Variants in CCSER1 observed in about 807,000 individuals in gnomAD.
CCSER1 encodes coiled-coil serine rich protein 1.
A neutral mutation model predicts 82.0 loss-of-function variants in CCSER1; 41 were observed. The ratio of observed to expected loss-of-function variants is 0.50; its 90% CI spans 0.39 to 0.65. The LOEUF is 0.65. Ranked by LOEUF, CCSER1 falls within the 30% of genes least tolerant of loss-of-function variation. The pLI is 0.00. For synonymous variants in CCSER1, 414 were observed against 383.9 expected, an observed-to-expected ratio of 1.08 and a Z score of -0.92; for missense variants, 1,119 against 1,064.2, an observed-to-expected ratio of 1.05 and a Z score of -0.72.
intron 5 of CCSER1, among the ~76,000 whole-genome samples, chr4:90,494,728 G>A (rs1415785768): frequency 6.6e-6 from 1 of 151,896 alleles, no homozygotes; most frequent in Admixed American, 6.6e-5. Context: ...CCTATTTTTT[G>A]CAAATAAAAG....
intron 10 of CCSER1, among the ~76,000 whole-genome samples, chr4:91,188,574 A>G (rs1734756957): frequency 1.3e-5 from 2 of 152,178 alleles, no homozygotes; most frequent in African/African-American, 2.4e-5. Context: ...ATAATTAGTG[A>G]TAAATATTTT....
chr4:91,271,115 G>T (rs1470147949), intron 10 of CCSER1, among the ~76,000 whole-genome samples: 10 of 151,606 alleles, frequency 6.6e-5, no homozygotes, highest in Admixed American at 4.6e-4. Flanking sequence ...GTAATAGATA[G>T]ATTTTTTAAA....
intron 10 of CCSER1, among the ~76,000 whole-genome samples, chr4:91,393,199 T>G (rs1204473757): frequency 1.3e-5 from 2 of 152,078 alleles, no homozygotes; most frequent in South Asian, 4.1e-4. Context: ...ATTATAAATA[T>G]GCAGTAAATA....
At position 91,065,873 on chromosome 4, in the gene CCSER1, CAATT is replaced by C. The variant is rs543937545; in HGVS notation, c.2173-20074_2173-20071del. On this transcript the variant is annotated intron_variant, in intron 9 of 10. Transcript: ENST00000509176. ...AATATGACTTCTTTCAATAATATGA[CAATT>C]AAAATGTTAGGAAAACACTGATTCA... is the stretch of plus-strand genomic sequence containing the variant. 1.3e-4 allele frequency among the ~76,000 whole-genome samples: 19 copies of C among 151,952 alleles called. 1 individual carries two copies. In the South Asian group the frequency reaches 3.5e-3, roughly 28 times the overall value.
intron 7 of CCSER1, among the ~76,000 whole-genome samples, chr4:90,793,355 C>T (rs1436188163): frequency 6.6e-6 from 1 of 152,130 alleles, no homozygotes; most frequent in Non-Finnish European, 1.5e-5. Context: ...CTCCAATAGG[C>T]CCCAGTGTGT....
At chr4:91,046,168 C>T (rs181905254) in intron 9 of CCSER1, among the ~76,000 whole-genome samples, 8 of 113,346 alleles carry the variant, frequency 7.1e-5, no homozygotes, top group African/African-American at 2.9e-4. Flanking sequence ...AAAACTGACA[C>T]TTGCAAATGG....
At chr4:90,584,237 G>A (rs1246142316) in intron 5 of CCSER1, among the ~76,000 whole-genome samples, 1 of 152,100 alleles carries the variant, frequency 6.6e-6, no homozygotes, top group Admixed American at 6.6e-5. Context: ...ACTCATAAAA[G>A]CCTGTAAGTC....
At chr4:91,083,332 G>A (rs944398828) in intron 9 of CCSER1, among the ~76,000 whole-genome samples, 1 of 152,138 alleles carries the variant, frequency 6.6e-6, no homozygotes, top group African/African-American at 2.4e-5. Flanking sequence ...AACACCTCAT[G>A]TTCTCACTCA....
chr4:90,704,433 A>T (rs1404232962), intron 6 of CCSER1, among the ~76,000 whole-genome samples: 1 of 152,068 alleles, frequency 6.6e-6, no homozygotes, highest in African/African-American at 2.4e-5. Context: ...AACTTTGGTG[A>T]ATCTGACAAT....
chr4:90,311,838 A>G (rs1332026681), intron 2 of CCSER1, among the ~76,000 whole-genome samples: 1 of 152,126 alleles, frequency 6.6e-6, no homozygotes, highest in East Asian at 1.9e-4. Flanking sequence ...TTTTTCATTT[A>G]CTCATTCATT....
chr4:91,591,338 T>TA (rs1764261008), intron 10 of CCSER1, among the ~76,000 whole-genome samples: 1 of 152,152 alleles, frequency 6.6e-6, no homozygotes, highest in African/African-American at 2.4e-5. Context: ...TATTTACCAG[T>TA]ATAGGGACAA....
In CCSER1 at chr4:90,568,305, T is replaced by A. The variant is rs536298151; in HGVS notation, c.1725-59720T>A. On this transcript the variant is annotated intron_variant, in intron 5 of 10. Coordinates refer to ENST00000509176, the MANE Select transcript of CCSER1 (RefSeq NM_001145065.2). ...TTCTGTATTGTAGTCCATCTCTCCCTTCAAATCTGTTAACATTCGCTTTAT... is the reference window on the plus strand; with the variant it reads ...TTCTGTATTGTAGTCCATCTCTCCCATCAAATCTGTTAACATTCGCTTTAT... 3.9e-5 allele frequency among the ~76,000 whole-genome samples: 6 copies of A among 152,342 alleles called. No individual in the cohort carries two copies. In the East Asian group the frequency reaches 1.2e-3, roughly 29 times the overall value.
chr4:91,578,211 A>G (rs1053840016), intron 10 of CCSER1, among the ~76,000 whole-genome samples: 2 of 152,034 alleles, frequency 1.3e-5, no homozygotes, highest in Non-Finnish European at 2.9e-5. Flanking sequence ...CAATATCCAT[A>G]AAACTATGGT....
chr4:91,152,572 T>G (rs545738368), intron 10 of CCSER1, among the ~76,000 whole-genome samples: 1 of 152,358 alleles, frequency 6.6e-6, no homozygotes, highest in African/African-American at 2.4e-5. Flanking sequence ...CAATGTCAGC[T>G]GGTCATTTTG....
chr4:91,381,522 C>T (rs1266102660), intron 10 of CCSER1, among the ~76,000 whole-genome samples: 1 of 152,214 alleles, frequency 6.6e-6, no homozygotes. Flanking sequence ...ACCCTTTCTT[C>T]CCATTGATCA....
chr4:90,642,066 C>A, intron 6 of CCSER1: 1 of 192,790 alleles, frequency 5.2e-6, no homozygotes, highest in Non-Finnish European at 1.1e-5. Context: ...CAGCAGACGG[C>A]ACCCTGCAGA....
chr4:90,483,221 C>G (rs548856046), intron 5 of CCSER1, among the ~76,000 whole-genome samples: 50 of 152,218 alleles, frequency 3.3e-4, no homozygotes, highest in Non-Finnish European at 5.9e-4. Context: ...TTTCCGTTTG[C>G]TTGGCAGATC....
At chr4:90,243,050 T>TTC (rs763068088) in intron 1 of CCSER1, among the ~76,000 whole-genome samples, 93 of 148,924 alleles carry the variant, frequency 6.2e-4, no homozygotes, top group African/African-American at 1.1e-3. Flanking sequence ...TCTCTCTCTT[T>TTC]TCTCTCTCTC....
intron 10 of CCSER1, among the ~76,000 whole-genome samples, chr4:91,469,881 G>T (rs751555708): frequency 6.6e-6 from 1 of 152,158 alleles, no homozygotes; most frequent in African/African-American, 2.4e-5. Context: ...TTTAGCAAGT[G>T]AACTTGCTAA....
Sources: gnomAD v4.1 joint callset for allele counts (sites outside exome capture counted in the v4.1 genomes callset) on GRCh38, gnomAD v4.1.1 for gene constraint, MANE v1.5 for transcripts, NCBI Gene and HGNC (gene_info 2026-07-23, HGNC 2026-07-21) for gene names.